Variants in LRRC9 observed in about 807,000 individuals in gnomAD.
The protein encoded by LRRC9 is leucine-rich repeat-containing protein 9.
LRRC9 carries 122 observed loss-of-function variants against 63.2 expected under a neutral mutation model. That is an observed-to-expected ratio of 1.93 (90% CI 1.67 to 2.24). LRRC9 has a LOEUF of 2.24. LRRC9 is among the 30% of genes most tolerant of loss of function. LRRC9 has a pLI of 0.00. For missense variants in LRRC9, 1,071 were observed against 627.7 expected, an observed-to-expected ratio of 1.71 and a Z score of -7.55; for synonymous variants, 366 against 213.1, an observed-to-expected ratio of 1.72 and a Z score of -6.25.
At position 59,995,986 on chromosome 14, in the gene LRRC9, C is replaced by T. The variant is rs189983604; in HGVS notation, c.2212-1670C>T. ...CAATTTCTTGACCTCGTGATCCACC[C>T]GCCTCAGCCTCCCAAAGTGCTGGGA... On this transcript the variant is annotated intron_variant, in intron 17 of 31. Coordinates refer to ENST00000445360, the Ensembl canonical transcript of LRRC9. 7.1e-3 allele frequency among the ~76,000 whole-genome samples: 1,085 copies of T among 152,196 alleles called. 9 individuals carry two copies. The highest frequency in any genetic ancestry group is 0.024 in the African/African-American group (1,015 of 41,520).
intron 22 of LRRC9, 157 bp downstream of exon 22, chr14:60,006,774 A>G (rs984056281): frequency 1.8e-5 from 9 of 496,276 alleles, no homozygotes; most frequent in African/African-American, 1.8e-4. Flanking sequence ...TCAATGTTGT[A>G]TACATACAAA....
intron 16 of LRRC9, among the ~76,000 whole-genome samples, chr14:59,982,685 T>G (rs1263536601): frequency 6.6e-6 from 1 of 152,224 alleles, no homozygotes; most frequent in Non-Finnish European, 1.5e-5. Context: ...CACCTGCATA[T>G]CTAAACTATT....
chr14:59,998,375 CT>C (rs1230708861), intron 18 of LRRC9, among the ~76,000 whole-genome samples: 1 of 151,938 alleles, frequency 6.6e-6, no homozygotes, highest in Non-Finnish European at 1.5e-5. Context: ...ATTATAAAGT[CT>C]TATGTTCTCT....
At chr14:59,920,058 A>ATCCCCCTCCCCGCCCCTTTTC (rs1888635854) in intron 1 of LRRC9, 86 bp from the exon 1 acceptor site, 1 of 147,020 alleles carries the variant, frequency 6.8e-6, no homozygotes, top group Non-Finnish European at 1.5e-5. Context: ...CCACCCTTTT[A>ATCCCCCTCCCCGCCCCTTTTC]TCCCCCTCCC....
chr14:59,981,788 T>G, intron 15 of LRRC9, 60 bp from the exon 16 acceptor site: 1 of 644,426 alleles, frequency 1.6e-6, no homozygotes, highest in South Asian at 1.8e-5. Context: ...ATAGCTTGTT[T>G]GTTTTTCAAA....
rs76292494 is a variant in LRRC9, at chr14:60,054,622, C to T, written c.4131+1417C>T. ...AGGCAAAATAAGGGTATCATGTCTC[C>T]AAAAACAACCAAATAAATAATACCA... On this transcript the variant is annotated intron_variant, in intron 30 of 31. Coordinates refer to ENST00000445360, the Ensembl canonical transcript of LRRC9. Among the ~76,000 whole-genome samples, 1,339 of 152,216 alleles carry T rather than the reference C, an allele frequency of 8.8e-3. 61 individuals are homozygous for T. In the East Asian group the frequency reaches 0.15, roughly 17 times the overall value.
At chr14:60,050,516 C>G (rs1372644325) in intron 29 of LRRC9, among the ~76,000 whole-genome samples, 1 of 152,110 alleles carries the variant, frequency 6.6e-6, no homozygotes, top group African/African-American at 2.4e-5. Flanking sequence ...ACAACATGCT[C>G]CTTTAGCTCA....
At chr14:59,999,651 G>A (rs1382744598) in intron 19 of LRRC9, among the ~76,000 whole-genome samples, 1 of 152,028 alleles carries the variant, frequency 6.6e-6, no homozygotes, top group African/African-American at 2.4e-5. Flanking sequence ...AACATGGAAG[G>A]AGGGGAAATA....
chr14:60,050,906 C>T (rs956236740), intron 29 of LRRC9, among the ~76,000 whole-genome samples: 13 of 152,162 alleles, frequency 8.5e-5, no homozygotes, highest in African/African-American at 3.1e-4. Flanking sequence ...GAGGTATATC[C>T]AGTGAAGGCT....
At chr14:59,997,808 C>A (rs1228042569) in exon 18 of LRRC9, 1 of 700,946 alleles carries the variant, frequency 1.4e-6, no homozygotes, top group Non-Finnish European at 2.6e-6. Flanking sequence ...ACACCACAAG[C>A]CTTCTCACTC....
chr14:59,943,004 G>T (rs1039145743), intron 7 of LRRC9, among the ~76,000 whole-genome samples: 9 of 129,826 alleles, frequency 6.9e-5, no homozygotes, highest in African/African-American at 1.9e-4. Flanking sequence ...GTATGTGTTG[G>T]TTTTTTTGTA....
In LRRC9 at chr14:59,944,699, G is replaced by A. The variant is rs915123193; in HGVS notation, c.837G>A (p.Lys279=). 3 of 675,686 alleles carry A rather than the reference G, an allele frequency of 4.4e-6. No individual in the cohort carries two copies. In the African/African-American group the frequency reaches 5.4e-5, roughly 12 times the overall value. 41.9% of individuals were successfully genotyped at this position (675,686 alleles called of 1,614,324 possible). A position where few individuals can be genotyped will look rare whatever the true frequency, so the allele number is the denominator to read the frequency against. ...ATGATCAAAAATGCAAATTACAAAA[G>A]TTGCCAGAAGAACGAGTAAAATTAT... is the stretch of plus-strand genomic sequence containing the variant. The change falls in exon 8 of 32, where the codon AAG becomes AAA. Residue 279 remains lysine (K), a synonymous_variant. Transcript: ENST00000445360.
At chr14:60,006,962 A>C (rs1174071707) in intron 22 of LRRC9, among the ~76,000 whole-genome samples, 1 of 152,038 alleles carries the variant, frequency 6.6e-6, no homozygotes, top group Non-Finnish European at 1.5e-5. Context: ...CTTTGCTCAG[A>C]TTTGCTTTTG....
At chr14:59,981,563 T>A (rs1396734931) in intron 15 of LRRC9, among the ~76,000 whole-genome samples, 1 of 152,260 alleles carries the variant, frequency 6.6e-6, no homozygotes, top group Non-Finnish European at 1.5e-5. Flanking sequence ...TTCTGATTCA[T>A]GTGTCACAAT....
chr14:60,019,487 T>G (rs1890949945), intron 26 of LRRC9, among the ~76,000 whole-genome samples: 1 of 151,908 alleles, frequency 6.6e-6, no homozygotes. Context: ...AAACCTATAT[T>G]GTGAATAAAG....
chr14:59,968,980 AC>A (rs1299984581), intron 12 of LRRC9: 1 of 151,732 alleles, frequency 6.6e-6, no homozygotes, highest in South Asian at 2.1e-4. Flanking sequence ...TGGAAAAAAA[AC>A]ACTATAATTT....
chr14:59,952,020 G>A (rs1193980204), intron 8 of LRRC9, among the ~76,000 whole-genome samples: 39 of 151,980 alleles, frequency 2.6e-4, no homozygotes, highest in African/African-American at 9.2e-4. Context: ...AGCTGTGGTG[G>A]GCTCCACCCA....
intron 8 of LRRC9, among the ~76,000 whole-genome samples, chr14:59,951,833 CA>C (rs1883166182): frequency 6.6e-6 from 1 of 152,158 alleles, no homozygotes; most frequent in African/African-American, 2.4e-5. Flanking sequence ...GTCAGGGACC[CA>C]CTTGAGGAGG....
intron 17 of LRRC9, among the ~76,000 whole-genome samples, chr14:59,997,072 A>T (rs977179033): frequency 2.6e-5 from 4 of 152,162 alleles, no homozygotes; most frequent in Non-Finnish European, 4.4e-5. Context: ...TGCATATAAT[A>T]AAAAACAATG....
Sources: gnomAD v4.1 joint callset for allele counts (sites outside exome capture counted in the v4.1 genomes callset) on GRCh38, gnomAD v4.1.1 for gene constraint, MANE v1.5 for transcripts, NCBI Gene and HGNC (gene_info 2026-07-23, HGNC 2026-07-21) for gene names.